Variants in ICA1L observed in about 807,000 individuals in gnomAD.
ICA1L encodes the protein islet cell autoantigen 1-like protein.
A neutral mutation model predicts 61.3 loss-of-function variants in ICA1L; 50 were observed. That is an observed-to-expected ratio of 0.82 (90% CI 0.65 to 1.03). ICA1L has a LOEUF of 1.03. Among genes scored for constraint, ICA1L ranks in the 50% least tolerant of loss-of-function variants. The pLI is 0.00. For missense variants in ICA1L, 508 were observed against 556.7 expected (o/e 0.91, Z 0.88); for synonymous variants, 161 against 191.3 (o/e 0.84, Z 1.31).
chr2:202,776,024 GCA>G lies in ICA1L; in HGVS notation c.*3507_*3508del. 1 of 152,144 alleles carries G rather than the reference GCA, an allele frequency of 6.6e-6. No individual in the cohort carries two copies. 9.4% of individuals were successfully genotyped at this position (152,144 alleles called of 1,614,324 possible). On this transcript the variant is annotated 3_prime_UTR_variant, in exon 13 of 13. Transcript: ENST00000358299. ...AAAGAGGCTCAGAAAAATAGATAGA[GCA>G]CATGTAAACTTCCTTCGTTCTAATG... is the stretch of plus-strand genomic sequence containing the variant.
intron 9 of ICA1L, among the ~76,000 whole-genome samples, chr2:202,798,943 A>G (rs1479001484): frequency 1.3e-5 from 2 of 152,186 alleles, no homozygotes; most frequent in East Asian, 3.8e-4. Context: ...GTTGCTGCAA[A>G]TAATAGGATT....
At chr2:202,817,624 G>A (rs1384280277) in intron 5 of ICA1L, 81 bp from the exon 6 acceptor site, 2 of 617,594 alleles carry the variant, frequency 3.2e-6, no homozygotes, top group East Asian at 3.5e-5. Flanking sequence ...ATAGTATACA[G>A]GTTCATAATA....
Position 202,811,821 on chromosome 2 carries a change from T to C in ICA1L, c.867-32A>G, listed in dbSNP as rs750128360. On this transcript the variant is annotated intron_variant, in intron 8 of 12. Transcript: ENST00000358299. ...TAAAAACAAAAAAAAATGTAGATTT[T>C]TTGTTATAATACACTTGTGATTCAT... 25 of 1,486,726 alleles carry C rather than the reference T, an allele frequency of 1.7e-5. 2 individuals carry two copies. In the Admixed American group the frequency reaches 3.2e-4, roughly 19 times the overall value. 92.1% of individuals were successfully genotyped at this position (1,486,726 alleles called of 1,614,324 possible).
At chr2:202,847,450 C>G (rs1410603003) in intron 1 of ICA1L, among the ~76,000 whole-genome samples, 1 of 152,080 alleles carries the variant, frequency 6.6e-6, no homozygotes, top group Non-Finnish European at 1.5e-5. Flanking sequence ...TCTAGTCAGA[C>G]TGTCTAGGTT....
At chr2:202,831,811 G>A (rs974784642) in intron 1 of ICA1L, among the ~76,000 whole-genome samples, 1 of 152,146 alleles carries the variant, frequency 6.6e-6, no homozygotes, top group African/African-American at 2.4e-5. Context: ...TATGACCAAG[G>A]GCACTGCTAA....
intron 1 of ICA1L, among the ~76,000 whole-genome samples, chr2:202,852,199 T>C (rs891169861): frequency 6.6e-6 from 1 of 152,196 alleles, no homozygotes; most frequent in Non-Finnish European, 1.5e-5. Context: ...CATTTCAGTC[T>C]TTACTATTTA....
rs568897746 is a variant in ICA1L at position 202,837,308 on chromosome 2, GAC to G, written c.-7-8294_-7-8293del. 1.1e-4 allele frequency among the ~76,000 whole-genome samples: 16 copies of G among 150,542 alleles called. No individual in the cohort carries two copies. In the South Asian group the frequency reaches 3.4e-3, roughly 32 times the overall value. On this transcript the variant is annotated intron_variant, in intron 1 of 12. Transcript: ENST00000358299. ...TTTTTTTTTGTTTTTGTTTTTTTGA[GAC>G]AGAGTCTCTGTCACCCAAGCTGGAG...
At chr2:202,865,181 CT>C (rs1687459290) in intron 1 of ICA1L, among the ~76,000 whole-genome samples, 1 of 149,898 alleles carries the variant, frequency 6.7e-6, no homozygotes, top group African/African-American at 2.5e-5. Flanking sequence ...AAAAAATCTC[CT>C]CTTTGGCCGG....
At position 202,817,549 on chromosome 2, in the gene ICA1L, AT is replaced by A. The variant is rs1315582800; in HGVS notation, c.559-7del. 6.3e-7 allele frequency: 1 copy of A among 1,587,092 alleles called. No individual in the cohort carries two copies. Among genetic ancestry groups the A allele is most frequent in the Non-Finnish European group, 8.6e-7 (1 of 1,160,786 alleles). ...TTTCTCACTTGCATCTGTACCTGCAATAAAAATGCTAATTTTTATTACAGAT... is the reference window on the plus strand; with the variant it reads ...TTTCTCACTTGCATCTGTACCTGCAAAAAAATGCTAATTTTTATTACAGAT... On this transcript the variant is annotated splice_polypyrimidine_tract_variant and splice_region_variant and intron_variant, in intron 5 of 12. Transcript: ENST00000358299.
At chr2:202,801,926 G>A (rs1693095720) in intron 9 of ICA1L, among the ~76,000 whole-genome samples, 1 of 152,184 alleles carries the variant, frequency 6.6e-6, no homozygotes, top group Non-Finnish European at 1.5e-5. Flanking sequence ...AGGCCTCTAG[G>A]AGTCCCACAG....
intron 1 of ICA1L, among the ~76,000 whole-genome samples, chr2:202,854,220 A>G (rs1159930611): frequency 6.6e-6 from 1 of 152,144 alleles, no homozygotes; most frequent in Admixed American, 6.6e-5. Context: ...GAAAGAAAAA[A>G]AAAAAAGCAG....
chr2:202,773,757 C>T lies in ICA1L; in HGVS notation c.*5776G>A. ...GAAGAGTTTAATAACCATCCAGGTC[C>T]AAAGGTGGAAGAATACATACACCGG... On this transcript the variant is annotated 3_prime_UTR_variant, in exon 13 of 13. Transcript: ENST00000358299. 7.4e-7 allele frequency: 1 copy of T among 1,355,286 alleles called. No individual in the cohort carries two copies. Among genetic ancestry groups the T allele is most frequent in the Non-Finnish European group, 1.1e-6 (1 of 947,932 alleles). 84.0% of individuals were successfully genotyped at this position (1,355,286 alleles called of 1,614,324 possible). A position where few individuals can be genotyped will look rare whatever the true frequency, so the allele number is the denominator to read the frequency against.
intron 10 of ICA1L, among the ~76,000 whole-genome samples, chr2:202,795,040 C>G (rs188362210): frequency 1.2e-4 from 17 of 147,574 alleles, no homozygotes; most frequent in Non-Finnish European, 2.2e-4. Flanking sequence ...TCTAGCCTTA[C>G]CAGATACTAA....
chr2:202,863,900 A>AT (rs1220466251), intron 1 of ICA1L, among the ~76,000 whole-genome samples: 1 of 152,162 alleles, frequency 6.6e-6, no homozygotes, highest in Non-Finnish European at 1.5e-5. Flanking sequence ...AGAAAGGTAT[A>AT]TTTTTAACAA....
chr2:202,782,192 C>G (rs1692428379), intron 12 of ICA1L, among the ~76,000 whole-genome samples: 1 of 151,804 alleles, frequency 6.6e-6, no homozygotes, highest in African/African-American at 2.4e-5. Flanking sequence ...CCAAAAAATA[C>G]AAAAATTAGC....
chr2:202,867,108 GAA>G (rs1687539606), intron 1 of ICA1L, among the ~76,000 whole-genome samples: 1 of 152,056 alleles, frequency 6.6e-6, no homozygotes, highest in Admixed American at 6.6e-5. Context: ...TTCAGAAAAT[GAA>G]AAGTTTGGAA....
chr2:202,825,824 T>C, intron 2 of ICA1L, 57 bp from the exon 3 acceptor site: 5 of 1,015,960 alleles, frequency 4.9e-6, no homozygotes, highest in Non-Finnish European at 5.7e-6. Flanking sequence ...ATATATGTTA[T>C]AAGCACCCCA....
intron 1 of ICA1L, among the ~76,000 whole-genome samples, chr2:202,846,732 GTCAT>G (rs10587796): frequency 0.47 from 71,753 of 151,268 alleles, 19,270 homozygotes; most frequent in Middle Eastern, 0.7. Context: ...CCAAAAGTGA[GTCAT>G]TCATTCATTC....
chr2:202,841,001 G>A (rs1326123023), intron 1 of ICA1L: 11 of 671,794 alleles, frequency 1.6e-5, no homozygotes, highest in Non-Finnish European at 2.6e-5. Context: ...TGACCTCAGC[G>A]ATGATGCTGT....
Sources: allele counts gnomAD v4.1 joint callset (sites outside exome capture counted in the v4.1 genomes callset), GRCh38; gene constraint gnomAD v4.1.1; transcripts MANE v1.5; gene names NCBI Gene and HGNC (gene_info 2026-07-23, HGNC 2026-07-21).